VPS45: variants seen among roughly 807,000 people sequenced by gnomAD.
The protein encoded by VPS45 is vacuolar protein sorting 45 homolog.
In VPS45, 35 loss-of-function variants were observed where a neutral mutation model predicts 75.9. The ratio of observed to expected loss-of-function variants is 0.46; its 90% CI spans 0.35 to 0.61. VPS45 has a LOEUF of 0.61. VPS45 is among the 20% of genes least tolerant of loss of function. VPS45 has a pLI of 0.00. For missense variants in VPS45, 559 were observed against 685.9 expected (o/e 0.81, Z 2.07); for synonymous variants, 220 against 238.2 (o/e 0.92, Z 0.70).
intron 10 of VPS45, among the ~76,000 whole-genome samples, chr1:150,088,250 A>G (rs782606400): frequency 3.9e-5 from 6 of 151,974 alleles, no homozygotes; most frequent in Non-Finnish European, 8.8e-5. Flanking sequence ...TCCTCTGGTA[A>G]CTGCTATTCT....
Position 150,077,720 on chromosome 1 carries a change from C to T in VPS45, c.628C>T (p.Pro210Ser), listed in dbSNP as rs1463759452. Residue 210 changes from proline (P) to serine (S), a missense_variant, in exon 7 of 15, where the codon CCT (proline) becomes TCT (serine). Coordinates refer to ENST00000644510, the MANE Select transcript of VPS45 (RefSeq NM_007259.5). ...GTTTGAATTCCGTCGGACAGAGGTT[C>T]CTCCATTGCTCCTTATTTTAGATCG... ...ELFEFRRTEVPPLLLILDRCD... is the reference protein window; with the variant it reads ...ELFEFRRTEVSPLLLILDRCD... 3 of 1,613,920 alleles carry T rather than the reference C, an allele frequency of 1.9e-6. No homozygotes were observed. Among genetic ancestry groups the T allele is most frequent in the Admixed American group, 1.7e-5 (1 of 59,986 alleles).
chr1:150,130,218 T>TTTTTTTTA (rs1658757587), intron 14 of VPS45, among the ~76,000 whole-genome samples: 2 of 149,562 alleles, frequency 1.3e-5, no homozygotes, highest in African/African-American at 4.9e-5. Flanking sequence ...TTTTTTTTTT[T>TTTTTTTTA]GAGAGACAAG....
intron 10 of VPS45, among the ~76,000 whole-genome samples, chr1:150,085,725 T>A (rs992051126): frequency 4.6e-5 from 7 of 152,050 alleles, no homozygotes; most frequent in African/African-American, 1.4e-4. Flanking sequence ...TATTGAATAG[T>A]ATCATGACAA....
At chr1:150,113,802 A>G (rs1393106911) in intron 14 of VPS45, among the ~76,000 whole-genome samples, 2 of 152,052 alleles carry the variant, frequency 1.3e-5, no homozygotes, top group Non-Finnish European at 2.9e-5. Flanking sequence ...AGGCTGAGGC[A>G]GGAGAATGCT....
intron 14 of VPS45, 40 bp from the exon 15 acceptor site, chr1:150,144,669 T>C: frequency 6.4e-7 from 1 of 1,559,042 alleles, no homozygotes; most frequent in Non-Finnish European, 8.7e-7. Flanking sequence ...TTGGAGATGC[T>C]TTTGTTTTTT....
chr1:150,142,855 G>C (rs1305853668), intron 14 of VPS45: 1 of 451,176 alleles, frequency 2.2e-6, no homozygotes, highest in Non-Finnish European at 4.4e-6. Flanking sequence ...GTTTCACTAT[G>C]TTCCCCTGCC....
chr1:150,112,611 A>G (rs1657705449), intron 14 of VPS45, among the ~76,000 whole-genome samples: 1 of 152,248 alleles, frequency 6.6e-6, no homozygotes, highest in East Asian at 1.9e-4. Flanking sequence ...CCAGACACCA[A>G]CTGGATATTT....
rs148174305 is a variant in VPS45, at chr1:150,081,439, T to C, written c.785T>C (p.Val262Ala). The C allele has an allele frequency of 2.7e-4, 430 of 1,599,566 alleles. 1 individual carries two copies. The highest frequency in any genetic ancestry group is 3.6e-4 in the Non-Finnish European group (422 of 1,176,548). Reference sequence around the variant, plus strand: ...GGAATCAGTAAAGACTTAAGAGAAGTGGTCCTATCTGCTGAAAATGATGAA... The same window carrying C: ...GGAATCAGTAAAGACTTAAGAGAAGCGGTCCTATCTGCTGAAAATGATGAA... ...VPGISKDLREVVLSAENDEFY... is the reference protein window; with the variant it reads ...VPGISKDLREAVLSAENDEFY... Residue 262 changes from valine (V) to alanine (A), a missense_variant, in exon 8 of 15, where the codon GTG becomes GCG. Physicochemically the swap from Val to Ala is moderately conservative, Grantham distance 64 (BLOSUM62 0). Coordinates refer to ENST00000644510, the MANE Select transcript of VPS45 (RefSeq NM_007259.5).
intron 13 of VPS45, among the ~76,000 whole-genome samples, chr1:150,102,783 C>T (rs1012235663): frequency 6.6e-6 from 1 of 152,128 alleles, no homozygotes; most frequent in Non-Finnish European, 1.5e-5. Context: ...AAACCAAATA[C>T]TGCATGTTCT....
upstream of VPS45, chr1:150,067,563 A>C: frequency 2.5e-6 from 1 of 392,546 alleles, no homozygotes; most frequent in Non-Finnish European, 4.6e-6. Flanking sequence ...CCAAAGGGCA[A>C]TAGGGGTCTG....
intron 4 of VPS45, 87 bp downstream of exon 4, chr1:150,076,399 T>A: frequency 9.1e-7 from 1 of 1,100,304 alleles, no homozygotes; most frequent in South Asian, 1.7e-5. Flanking sequence ...GAAAGGTCTG[T>A]CTCAAAAGAA....
At chr1:150,068,028 T>G in intron 1 of VPS45, 78 bp downstream of exon 1, 1 of 1,396,512 alleles carries the variant, frequency 7.2e-7, no homozygotes, top group South Asian at 1.2e-5. Context: ...ACTGTAGGAC[T>G]TAGCATTTAA....
chr1:150,118,868 A>T (rs1001991247), intron 14 of VPS45, among the ~76,000 whole-genome samples: 1 of 152,244 alleles, frequency 6.6e-6, no homozygotes, highest in African/African-American at 2.4e-5. Flanking sequence ...AGCAATAAAG[A>T]TTCAATAAAA....
At chr1:150,098,398 C>A (rs1656790996) in intron 13 of VPS45, among the ~76,000 whole-genome samples, 1 of 152,014 alleles carries the variant, frequency 6.6e-6, no homozygotes, top group Non-Finnish European at 1.5e-5. Flanking sequence ...GTTGATATGC[C>A]AATATTTATA....
At chr1:150,128,873 A>G (rs148820680) in intron 14 of VPS45, among the ~76,000 whole-genome samples, 2,000 of 152,160 alleles carry the variant, frequency 0.013, 39 homozygotes, top group African/African-American at 0.043. Context: ...CCAAGTAGCT[A>G]GGACTACAAG....
chr1:150,100,912 A>ATTCT (rs1656943027), intron 13 of VPS45, among the ~76,000 whole-genome samples: 1 of 152,226 alleles, frequency 6.6e-6, no homozygotes, highest in Non-Finnish European at 1.5e-5. Context: ...TTCTGGACCT[A>ATTCT]GGAACAGGCT....
chr1:150,094,845 G>A (rs587769454), intron 13 of VPS45, among the ~76,000 whole-genome samples: 2 of 152,210 alleles, frequency 1.3e-5, no homozygotes, highest in South Asian at 4.1e-4. Flanking sequence ...GAAACCACAG[G>A]CCACCGGAAG....
At chr1:150,111,251 A>G (rs1553807133) in intron 14 of VPS45, among the ~76,000 whole-genome samples, 1 of 152,208 alleles carries the variant, frequency 6.6e-6, no homozygotes, top group Non-Finnish European at 1.5e-5. Context: ...AGAAGATAGT[A>G]TATTAGCTGA....
At chr1:150,136,792 G>T (rs947133942) in intron 14 of VPS45, among the ~76,000 whole-genome samples, 1 of 145,278 alleles carries the variant, frequency 6.9e-6, no homozygotes, top group South Asian at 2.3e-4. Flanking sequence ...AAAAAAAAAG[G>T]TGTACCACAT....
Sources: allele counts gnomAD v4.1 joint callset (sites outside exome capture counted in the v4.1 genomes callset), GRCh38; gene constraint gnomAD v4.1.1; transcripts MANE v1.5; gene names NCBI Gene and HGNC (gene_info 2026-07-23, HGNC 2026-07-21).